Variants in CLOCK observed in about 807,000 individuals in gnomAD.
CLOCK encodes the protein circadian locomoter output cycles protein kaput.
In CLOCK, 43 loss-of-function variants were observed where a neutral mutation model predicts 118.4. That is an observed-to-expected ratio of 0.36 (90% CI 0.28 to 0.47). The LOEUF is 0.47. Ranked by LOEUF, CLOCK falls within the 20% of genes least tolerant of loss-of-function variation. The pLI, the probability that CLOCK is intolerant of heterozygous loss-of-function variation, is 1.00. For missense variants in CLOCK, 846 were observed against 999.9 expected, an observed-to-expected ratio of 0.85 and a Z score of 2.08; for synonymous variants, 326 against 339.2, an observed-to-expected ratio of 0.96 and a Z score of 0.43.
At chr4:55,462,309 C>T (rs142319650) in intron 9 of CLOCK, among the ~76,000 whole-genome samples, 2,566 of 152,086 alleles carry the variant, frequency 0.017, 70 homozygotes, top group African/African-American at 0.058. Context: ...TTTTTTGAGA[C>T]AGAGTCTCGC....
intron 16 of CLOCK, 43 bp from the exon 17 acceptor site, chr4:55,449,539 T>C (rs768686362): frequency 2.7e-6 from 4 of 1,483,230 alleles, no homozygotes; most frequent in Non-Finnish European, 3.8e-6. Flanking sequence ...CTTTATAAAA[T>C]ATAGTTTTTA....
At chr4:55,509,288 A>T (rs1162549715) in intron 2 of CLOCK, among the ~76,000 whole-genome samples, 1 of 152,202 alleles carries the variant, frequency 6.6e-6, no homozygotes, top group African/African-American at 2.4e-5. Context: ...CATACACAAA[A>T]CCTAAAAAAT....
At position 55,463,732 on chromosome 4, in the gene CLOCK, G is replaced by C. The variant is rs768013881; in HGVS notation, c.512C>G (p.Ser171Cys). The stretch of plus-strand genomic sequence containing the variant: ...TGAATCACTTTCCAGCAGATGAGTA[G>C]AGAGTATTTTATAAACCTCTGAATG... ...GEHSEVYKILSTHLLESDSLT... is the reference protein window; with the variant it reads ...GEHSEVYKILCTHLLESDSLT... Residue 171 changes from serine to cysteine, a missense_variant, in exon 9 of 23, where the codon TCT becomes TGT. Ser to Cys is a moderately radical substitution (Grantham distance 112). Around this residue, in one of 4 missense-constraint regions of CLOCK, gnomAD observed 246 missense variants for 300.2 expected, o/e 0.82. Coordinates refer to ENST00000513440, the MANE Select transcript of CLOCK (RefSeq NM_004898.4). 2 of 1,612,684 alleles carry C rather than the reference G, an allele frequency of 1.2e-6. No homozygotes were observed. The highest frequency in any genetic ancestry group is 8.5e-7 in the Non-Finnish European group (1 of 1,179,024).
rs576755026 is a variant in CLOCK, at chr4:55,431,945, C to T, written c.*3470G>A. On this transcript the variant is annotated 3_prime_UTR_variant, in exon 23 of 23. Coordinates refer to ENST00000513440, the MANE Select transcript of CLOCK (RefSeq NM_004898.4). ...AGCTGGACTGCTTCAGTGCTCCTAG[C>T]GTCAAGCAGACTGCTTTAAGGCAAT... 2 of 152,292 alleles carry T rather than the reference C, an allele frequency of 1.3e-5. No homozygotes were observed. Among genetic ancestry groups the T allele is most frequent in the African/African-American group, 4.8e-5 (2 of 41,568 alleles). 9.4% of individuals were successfully genotyped at this position (152,292 alleles called of 1,614,324 possible).
chr4:55,436,860 A>G (rs1333792655), intron 22 of CLOCK, among the ~76,000 whole-genome samples: 2 of 103,088 alleles, frequency 1.9e-5, no homozygotes, highest in Non-Finnish European at 4.3e-5. Flanking sequence ...TGCCTATCTT[A>G]TTTCTTTGTG....
chr4:55,506,463 T>C (rs1728801306), intron 2 of CLOCK, among the ~76,000 whole-genome samples: 1 of 152,074 alleles, frequency 6.6e-6, no homozygotes, highest in Admixed American at 6.6e-5. Flanking sequence ...AAAAAGAGGT[T>C]CAGTGTAAGA....
chr4:55,444,840 A>G, intron 18 of CLOCK, 55 bp from the exon 19 acceptor site: 7 of 1,543,344 alleles, frequency 4.5e-6, no homozygotes, highest in South Asian at 1.1e-5. Context: ...CTTACTCCTT[A>G]TAATTGCACA....
At chr4:55,484,483 A>T (rs1727154410) in intron 3 of CLOCK, among the ~76,000 whole-genome samples, 1 of 152,220 alleles carries the variant, frequency 6.6e-6, no homozygotes, top group African/African-American at 2.4e-5. Flanking sequence ...TGGAACACAG[A>T]ACTACAGAAT....
At chr4:55,448,704 T>A in intron 18 of CLOCK, 75 bp downstream of exon 18, 1 of 1,292,408 alleles carries the variant, frequency 7.7e-7, no homozygotes, top group Non-Finnish European at 1.1e-6. Context: ...AGCCTGGATT[T>A]TTAAAAAAAT....
rs1351235106 is a variant in CLOCK, at chr4:55,472,575, T to C, written c.349-1769A>G. 2.6e-5 allele frequency among the ~76,000 whole-genome samples: 4 copies of C among 152,210 alleles called. No homozygotes were observed. In the South Asian group the frequency reaches 6.2e-4, roughly 24 times the overall value. On this transcript the variant is annotated intron_variant, in intron 7 of 22. Coordinates refer to ENST00000513440, the MANE Select transcript of CLOCK (RefSeq NM_004898.4). ...TCTCGAAAAGGATAGTGACCTCTGATAGGAACCATGTATATCTTATTAATC... is the reference window on the plus strand; with the variant it reads ...TCTCGAAAAGGATAGTGACCTCTGACAGGAACCATGTATATCTTATTAATC...
chr4:55,537,317 A>G (rs986793311), intron 1 of CLOCK, among the ~76,000 whole-genome samples: 15 of 152,088 alleles, frequency 9.9e-5, no homozygotes, highest in Non-Finnish European at 5.9e-5. Flanking sequence ...TTGTCTTCAG[A>G]AAAAATTGTA....
At chr4:55,541,220 T>G (rs1343711449) in intron 1 of CLOCK, among the ~76,000 whole-genome samples, 1 of 152,210 alleles carries the variant, frequency 6.6e-6, no homozygotes, top group African/African-American at 2.4e-5. Context: ...TAATAGGGCT[T>G]TTAATAAATG....
At chr4:55,521,996 T>C (rs1729875147) in intron 1 of CLOCK, among the ~76,000 whole-genome samples, 1 of 152,156 alleles carries the variant, frequency 6.6e-6, no homozygotes, top group Non-Finnish European at 1.5e-5. Context: ...GTCATATGTA[T>C]ATTAAAAAGG....
chr4:55,533,865 TAC>T (rs1730712246), intron 1 of CLOCK, among the ~76,000 whole-genome samples: 1 of 152,196 alleles, frequency 6.6e-6, no homozygotes, highest in Non-Finnish European at 1.5e-5. Flanking sequence ...ATCATGCCAC[TAC>T]ACTCCAGCCT....
chr4:55,514,297 C>T (rs770793466), intron 1 of CLOCK, among the ~76,000 whole-genome samples: 15 of 152,060 alleles, frequency 9.9e-5, no homozygotes, highest in Non-Finnish European at 1.5e-4. Context: ...TATCCCAATA[C>T]CAACACCTAA....
intron 1 of CLOCK, among the ~76,000 whole-genome samples, chr4:55,533,666 G>A (rs1237066358): frequency 6.6e-6 from 1 of 152,138 alleles, no homozygotes; most frequent in Non-Finnish European, 1.5e-5. Context: ...ACTTTGGGAG[G>A]CCAAGGCAGG....
chr4:55,541,554 C>A (rs1434442593), intron 1 of CLOCK, among the ~76,000 whole-genome samples: 1 of 152,100 alleles, frequency 6.6e-6, no homozygotes, highest in African/African-American at 2.4e-5. Context: ...TTATTTGACA[C>A]AGCACTAGAA....
intron 22 of CLOCK, among the ~76,000 whole-genome samples, chr4:55,436,432 T>C (rs376015890): frequency 8.9e-4 from 136 of 152,332 alleles, no homozygotes; most frequent in Middle Eastern, 6.8e-3. Context: ...ACTTCTGACA[T>C]GCTGTTCATT....
At chr4:55,540,858 G>A (rs1259732920) in intron 1 of CLOCK, 1 of 152,142 alleles carries the variant, frequency 6.6e-6, no homozygotes, top group Non-Finnish European at 1.5e-5. Flanking sequence ...TTTGGGATGA[G>A]AATTAAAAAT....
Sources: allele counts gnomAD v4.1 joint callset (sites outside exome capture counted in the v4.1 genomes callset), GRCh38; gene constraint gnomAD v4.1.1; regional missense constraint gnomAD v4.1.1; transcripts MANE v1.5; gene names NCBI Gene and HGNC (gene_info 2026-07-23, HGNC 2026-07-21).